Variants in RSPH9 observed in about 807,000 individuals in gnomAD.
RSPH9 encodes the protein radial spoke head component 9.
Under a neutral mutation model 27.0 loss-of-function variants are expected in RSPH9, and 27 were observed. The observed-to-expected ratio is 1.00, with a 90% CI of 0.74 to 1.38. The LOEUF (loss-of-function observed/expected upper bound fraction) is 1.38. RSPH9 is among the 40% of genes most tolerant of loss of function. RSPH9 has a pLI of 0.00. For missense variants in RSPH9, 347 were observed against 357.4 expected, an observed-to-expected ratio of 0.97 and a Z score of 0.24; for synonymous variants, 145 against 147.7, an observed-to-expected ratio of 0.98 and a Z score of 0.13.
chr6:43,645,336 C>T lies in RSPH9; in HGVS notation c.227+11C>T. ...CAAGACGCTCTATAGGTGAGGAGGC[C>T]CCCGGGACGGGCTCCCCAGAGGGTG... On this transcript the variant is annotated intron_variant, in intron 1 of 4. Transcript: ENST00000372163. The T allele has an allele frequency of 6.3e-7, 1 of 1,599,764 alleles. No homozygotes were observed. Among genetic ancestry groups the T allele is most frequent in the Non-Finnish European group, 8.5e-7 (1 of 1,171,746 alleles).
rs375255665 is a variant in RSPH9, at chr6:43,655,734, T to C, written c.523+43T>C. 92 of 1,611,294 alleles carry C rather than the reference T, an allele frequency of 5.7e-5. No individual in the cohort carries two copies. The African/African-American group carries it at 1.1e-3, about 18-fold the overall frequency. Reference sequence around the variant, plus strand: ...CCTCTCAAGGGCTGGGGGTATCTTTTCCCAAGCACAGTAGAACATATGTCT... The same window carrying C: ...CCTCTCAAGGGCTGGGGGTATCTTTCCCCAAGCACAGTAGAACATATGTCT... On this transcript the variant is annotated intron_variant, in intron 3 of 4. Transcript: ENST00000372163.
At chr6:43,670,421 G>A (rs113646919) in intron 4 of RSPH9, among the ~76,000 whole-genome samples, 2 of 152,282 alleles carry the variant, frequency 1.3e-5, no homozygotes, top group East Asian at 3.9e-4. Context: ...GGGCAACACA[G>A]TGAGGCCCCA....
At chr6:43,648,279 A>T (rs529023600) in intron 1 of RSPH9, among the ~76,000 whole-genome samples, 1 of 152,296 alleles carries the variant, frequency 6.6e-6, no homozygotes, top group African/African-American at 2.4e-5. Context: ...CAAAAAAAAA[A>T]AAAAGAATAC....
chr6:43,655,548 T>C lies in RSPH9; in HGVS notation c.394-14T>C. On this transcript the variant is annotated splice_polypyrimidine_tract_variant and intron_variant, in intron 2 of 4. Coordinates refer to ENST00000372163, the MANE Select transcript of RSPH9 (RefSeq NM_152732.5). Reference sequence around the variant, plus strand: ...CAGTGCCCTGGCAGGGGGGCTCCTCTCCTGTCTCCTCAGGTCCAGATCAAG... The same window carrying C: ...CAGTGCCCTGGCAGGGGGGCTCCTCCCCTGTCTCCTCAGGTCCAGATCAAG... 6.2e-7 allele frequency: 1 copy of C among 1,613,930 alleles called. No homozygotes were observed. Among genetic ancestry groups the C allele is most frequent in the Non-Finnish European group, 8.5e-7 (1 of 1,179,952 alleles).
At chr6:43,658,138 A>G (rs1336617601) in intron 4 of RSPH9, among the ~76,000 whole-genome samples, 3 of 152,034 alleles carry the variant, frequency 2.0e-5, no homozygotes, top group Non-Finnish European at 4.4e-5. Context: ...AAAAATAGAA[A>G]AATTAGCTGG....
chr6:43,664,222 TGATG>T lies in RSPH9; in HGVS notation c.671-6566_671-6563del, dbSNP rs386700690. Among the ~76,000 whole-genome samples the T allele has an allele frequency of 4.6e-5, 7 of 152,014 alleles. No homozygotes were observed. In the South Asian group the frequency reaches 8.3e-4, roughly 18 times the overall value. ...AAACCTGTGATGATGATGATGATGA[TGATG>T]ATTATTTTGAGACAGAGTTTATTTA... On this transcript the variant is annotated intron_variant, in intron 4 of 4. Transcript: ENST00000372163.
At position 43,672,553 on chromosome 6, in the gene RSPH9, C is replaced by G. The variant is rs1773797734; in HGVS notation, c.*1604C>G. On this transcript the variant is annotated 3_prime_UTR_variant, in exon 5 of 5. Coordinates refer to ENST00000372163, the MANE Select transcript of RSPH9 (RefSeq NM_152732.5). ...TTCCCAGAAAAGTGGCTCATGCCGGCTAGGATTGGGTTTTACTCTGTCCAG... is the reference window on the plus strand; with the variant it reads ...TTCCCAGAAAAGTGGCTCATGCCGGGTAGGATTGGGTTTTACTCTGTCCAG... 2.4e-6 allele frequency: 1 copy of G among 415,738 alleles called. No individual in the cohort carries two copies. The highest frequency in any genetic ancestry group is 2.8e-5 in the Admixed American group (1 of 36,096). 25.8% of individuals were successfully genotyped at this position (415,738 alleles called of 1,614,324 possible).
intron 1 of RSPH9, 24 bp downstream of exon 1, chr6:43,645,349 T>TC (rs772020674): frequency 2.1e-6 from 1 of 471,130 alleles, no homozygotes; most frequent in Admixed American, 3.6e-5. Flanking sequence ...CGGGACGGGC[T>TC]CCCCAGAGGG....
Position 43,671,708 on chromosome 6 carries a change from G to T in RSPH9, c.*759G>T. 1 of 1,605,690 alleles carries T rather than the reference G, an allele frequency of 6.2e-7. No homozygotes were observed. On this transcript the variant is annotated 3_prime_UTR_variant, in exon 5 of 5. Coordinates refer to ENST00000372163, the MANE Select transcript of RSPH9 (RefSeq NM_152732.5). The stretch of plus-strand genomic sequence containing the variant: ...GTTGTGGCCAAGGGCTTGTGAGTGG[G>T]CCTCCTACTCCCCAGCACAGGTGCA...
chr6:43,663,919 C>T (rs974891180), intron 4 of RSPH9, among the ~76,000 whole-genome samples: 3 of 151,416 alleles, frequency 2.0e-5, no homozygotes, highest in Non-Finnish European at 4.4e-5. Flanking sequence ...GTCCCAGCTA[C>T]TCAGGAGGCT....
intron 2 of RSPH9, among the ~76,000 whole-genome samples, chr6:43,653,917 C>G (rs1404838520): frequency 6.6e-6 from 1 of 152,168 alleles, no homozygotes; most frequent in Admixed American, 6.6e-5. Flanking sequence ...GTCTCAAACT[C>G]CCGACCTCAG....
At position 43,645,258 on chromosome 6, in the gene RSPH9, G is replaced by A; in HGVS notation, c.160G>A (p.Val54Ile). The change falls in exon 1 of 5, where the codon GTC becomes ATC. Residue 54 changes from valine (V) to isoleucine (I), a missense_variant. Physicochemically the swap from Val to Ile is conservative, Grantham distance 29. Transcript: ENST00000372163. ...CTTCTGGGGCCGCATCCTTGGCCTCGTCGCCGATTACTACATCGCGCAGGG... is the reference window on the plus strand; with the variant it reads ...CTTCTGGGGCCGCATCCTTGGCCTCATCGCCGATTACTACATCGCGCAGGG... ...VLFWGRILGL[V>I]ADYYIAQGLS... 7 of 1,614,036 alleles carry A rather than the reference G, an allele frequency of 4.3e-6. No homozygotes were observed. The highest frequency in any genetic ancestry group is 5.9e-6 in the Non-Finnish European group (7 of 1,180,014).
chr6:43,657,232 C>G (rs558654098), intron 4 of RSPH9, among the ~76,000 whole-genome samples: 1 of 152,338 alleles, frequency 6.6e-6, no homozygotes, highest in South Asian at 2.1e-4. Context: ...AGGCCCAAGG[C>G]ACAGACTCAG....
rs199530879 is a variant in RSPH9 at position 43,671,832 on chromosome 6, A to T, written c.*883A>T. ...CCTCAGAAGGGGTGACCCCACGGGC[A>T]TGCGCACCCTGTTCCAGCGGGGGCC... is the stretch of plus-strand genomic sequence containing the variant. On this transcript the variant is annotated 3_prime_UTR_variant, in exon 5 of 5. Transcript: ENST00000372163. 3 of 1,614,154 alleles carry T rather than the reference A, an allele frequency of 1.9e-6. No individual in the cohort carries two copies. The East Asian group carries it at 6.7e-5, about 36-fold the overall frequency.
rs1229653862 is a variant in RSPH9 at position 43,670,790 on chromosome 6, G to A, written c.672G>A (p.Gly224=). Residue 224 remains glycine (G), a splice_region_variant and synonymous_variant, in exon 5 of 5, where the codon GGG becomes GGA. Transcript: ENST00000372163. ...MDSLEHDIPK[G]SWSIQMERGN... is the part of the protein sequence containing the mutation. ...CACCTCCTGCCTGTCTTATCTCAGG[G>A]TCCTGGAGCATCCAGATGGAGAGGG... is the stretch of plus-strand genomic sequence containing the variant. 2.5e-6 allele frequency: 4 copies of A among 1,613,924 alleles called. 1 individual carries two copies. In the Admixed American group the frequency reaches 6.7e-5, roughly 27 times the overall value.
intron 1 of RSPH9, among the ~76,000 whole-genome samples, chr6:43,647,632 A>T (rs565632839): frequency 2.0e-5 from 3 of 152,342 alleles, no homozygotes; most frequent in African/African-American, 7.2e-5. Flanking sequence ...CAGGGGCAGG[A>T]CTAGGGAAGA....
chr6:43,656,094 G>A (rs987937997), intron 3 of RSPH9, among the ~76,000 whole-genome samples: 1 of 81,142 alleles, frequency 1.2e-5, no homozygotes, highest in African/African-American at 4.4e-5. Context: ...CCCTCCCTTT[G>A]TTTCTTTCTT....
chr6:43,651,558 C>CT (rs895944289), intron 2 of RSPH9, among the ~76,000 whole-genome samples: 282 of 151,826 alleles, frequency 1.9e-3, no homozygotes, highest in African/African-American at 6.3e-3. Context: ...CTTTCTTTTT[C>CT]TTTTTTTTGA....
chr6:43,645,476 G>C lies in RSPH9; in HGVS notation c.227+151G>C, dbSNP rs913041057. ...GATGAGTGGAATGGGGGAGACCCTG[G>C]GGGGCGGGCCTGGGGACGGTCAAGA... On this transcript the variant is annotated intron_variant, in intron 1 of 4. Coordinates refer to ENST00000372163, the MANE Select transcript of RSPH9 (RefSeq NM_152732.5). 124 of 746,886 alleles carry C rather than the reference G, an allele frequency of 1.7e-4. No homozygotes were observed. The Admixed American group carries it at 2.6e-3, about 15-fold the overall frequency. The allele number at this position is 746,886 out of a possible 1,614,324, so 46.3% of individuals were successfully genotyped here. A position where few individuals can be genotyped will look rare whatever the true frequency, so the allele number is the denominator to read the frequency against.
Sources: gnomAD v4.1 joint callset for allele counts (sites outside exome capture counted in the v4.1 genomes callset) on GRCh38, gnomAD v4.1.1 for gene constraint, MANE v1.5 for transcripts, NCBI Gene and HGNC (gene_info 2026-07-23, HGNC 2026-07-21) for gene names.